Variants in PACRG observed in about 807,000 individuals in gnomAD.
The protein encoded by PACRG is parkin coregulated gene protein.
In PACRG, 29 loss-of-function variants were observed where a neutral mutation model predicts 29.7. That is an observed-to-expected ratio of 0.98 (90% CI 0.73 to 1.33). The LOEUF (loss-of-function observed/expected upper bound fraction) is 1.33, where lower values mean the gene tolerates loss of function less well. Among genes scored for constraint, PACRG ranks in the 40% most tolerant of loss-of-function variants. PACRG has a pLI of 0.00. For missense variants in PACRG, 279 were observed against 316.2 expected (o/e 0.88, Z 0.89); for synonymous variants, 116 against 118.7 (o/e 0.98, Z 0.15).
intron 2 of PACRG, among the ~76,000 whole-genome samples, chr6:163,048,357 G>A (rs1182050351): frequency 6.6e-6 from 1 of 152,144 alleles, no homozygotes; most frequent in Non-Finnish European, 1.5e-5. Context: ...TTTATCAAAA[G>A]TTTTATCTGC....
intron 4 of PACRG, among the ~76,000 whole-genome samples, chr6:163,140,507 G>A (rs558623448): frequency 6.6e-6 from 1 of 152,286 alleles, no homozygotes; most frequent in South Asian, 2.1e-4. Context: ...TGGACTGGAG[G>A]CTCTAGGAGT....
At chr6:163,060,348 A>G (rs1031331565) in intron 2 of PACRG, among the ~76,000 whole-genome samples, 4 of 152,190 alleles carry the variant, frequency 2.6e-5, no homozygotes, top group African/African-American at 9.6e-5. Context: ...ACAATGTAAA[A>G]TTATCCATAA....
intron 2 of PACRG, among the ~76,000 whole-genome samples, chr6:162,961,304 C>T (rs776345469): frequency 4.7e-5 from 7 of 149,456 alleles, no homozygotes; most frequent in Non-Finnish European, 8.9e-5. Flanking sequence ...TAAGATTCCC[C>T]CAAATCCTGA....
chr6:163,302,258 GTT>G (rs67109124), intron 4 of PACRG, among the ~76,000 whole-genome samples: 10 of 142,908 alleles, frequency 7.0e-5, no homozygotes, highest in Non-Finnish European at 1.2e-4. Flanking sequence ...GTTTTTTTTT[GTT>G]TTTTTTTTTG....
intron 1 of PACRG, among the ~76,000 whole-genome samples, chr6:162,749,854 C>G (rs1781387679): frequency 6.6e-6 from 1 of 152,188 alleles, no homozygotes; most frequent in South Asian, 2.1e-4. Flanking sequence ...TAAGTGTAAA[C>G]TGTATCACTG....
intron 4 of PACRG, among the ~76,000 whole-genome samples, chr6:163,229,371 C>G (rs777117160): frequency 6.6e-6 from 1 of 152,130 alleles, no homozygotes; most frequent in Admixed American, 6.6e-5. Context: ...AAAGACAAAA[C>G]CACCACCACC....
intron 3 of PACRG, among the ~76,000 whole-genome samples, chr6:163,081,971 A>G (rs545877158): frequency 2.0e-5 from 3 of 152,330 alleles, no homozygotes; most frequent in East Asian, 3.9e-4. Context: ...AAATTTAACA[A>G]TATTTTTGGT....
chr6:162,791,898 G>C (rs1380170826), intron 1 of PACRG, among the ~76,000 whole-genome samples: 1 of 152,096 alleles, frequency 6.6e-6, no homozygotes, highest in Non-Finnish European at 1.5e-5. Flanking sequence ...CCTGCAGGAG[G>C]CTCCTGTGTG....
intron 4 of PACRG, among the ~76,000 whole-genome samples, chr6:163,295,035 T>A (rs552669496): frequency 6.6e-6 from 1 of 152,170 alleles, no homozygotes; most frequent in Non-Finnish European, 1.5e-5. Flanking sequence ...TGGGGATTAA[T>A]GAGAATTCAA....
intron 2 of PACRG, among the ~76,000 whole-genome samples, chr6:162,893,976 G>T (rs1024535306): frequency 5.3e-5 from 8 of 152,216 alleles, no homozygotes; most frequent in Non-Finnish European, 1.2e-4. Context: ...GGGACGTAAA[G>T]AAATGACAGT....
intron 2 of PACRG, among the ~76,000 whole-genome samples, chr6:163,041,583 G>C (rs1808730033): frequency 6.6e-6 from 1 of 152,166 alleles, no homozygotes; most frequent in Non-Finnish European, 1.5e-5. Flanking sequence ...CCCCAGTCAT[G>C]TGGAACTGTG....
chr6:163,104,276 G>C (rs921444411), intron 4 of PACRG, among the ~76,000 whole-genome samples: 1 of 152,072 alleles, frequency 6.6e-6, no homozygotes, highest in Non-Finnish European at 1.5e-5. Flanking sequence ...TTCTAACTTT[G>C]TTCCACTTTT....
intron 4 of PACRG, among the ~76,000 whole-genome samples, chr6:163,286,846 A>G (rs1445424344): frequency 1.3e-5 from 2 of 152,126 alleles, no homozygotes; most frequent in Non-Finnish European, 2.9e-5. Flanking sequence ...GTATATGCAT[A>G]TGTGTATTTA....
chr6:162,741,946 G>T (rs951905968), intron 1 of PACRG, among the ~76,000 whole-genome samples: 2 of 152,126 alleles, frequency 1.3e-5, no homozygotes, highest in Non-Finnish European at 2.9e-5. Flanking sequence ...TGATTTTCAA[G>T]AATGCAATTC....
intron 2 of PACRG, among the ~76,000 whole-genome samples, chr6:162,886,297 A>G (rs751982430): frequency 9.2e-5 from 14 of 152,024 alleles, no homozygotes; most frequent in Admixed American, 6.6e-4. Flanking sequence ...CTGGCCAGTC[A>G]TTCTCAGACT....
chr6:162,790,927 G>A (rs1227958846), intron 1 of PACRG, among the ~76,000 whole-genome samples: 1 of 152,178 alleles, frequency 6.6e-6, no homozygotes, highest in Non-Finnish European at 1.5e-5. Context: ...TATTGCTTAG[G>A]AAACTTCAAC....
intron 4 of PACRG, among the ~76,000 whole-genome samples, chr6:163,131,665 TGAATGTTAAGAGCCCTCAGCTGTGAATC>T (rs1345526033): frequency 6.6e-6 from 1 of 152,124 alleles, no homozygotes; most frequent in Non-Finnish European, 1.5e-5. Context: ...TGGCAGCTGT[TGAATGTTAAGAGCCCTCAGCTGTGAATC>T]GGAGCGATCC....
At chr6:163,011,815 T>G (rs1434266386) in intron 2 of PACRG, among the ~76,000 whole-genome samples, 2 of 152,206 alleles carry the variant, frequency 1.3e-5, no homozygotes, top group African/African-American at 4.8e-5. Flanking sequence ...TCTTTTTACT[T>G]TTTAAACTTT....
chr6:162,832,643 T>A (rs1359092569), intron 2 of PACRG, among the ~76,000 whole-genome samples: 2 of 152,154 alleles, frequency 1.3e-5, no homozygotes, highest in African/African-American at 4.8e-5. Flanking sequence ...ACAATGTAGC[T>A]CACATTATTC....
Sources: gnomAD v4.1 joint callset for allele counts (sites outside exome capture counted in the v4.1 genomes callset) on GRCh38, gnomAD v4.1.1 for gene constraint, MANE v1.5 for transcripts, NCBI Gene and HGNC (gene_info 2026-07-23, HGNC 2026-07-21) for gene names.